DHTKD1: variants seen among roughly 807,000 people sequenced by gnomAD.
The protein encoded by DHTKD1 is 2-oxoadipate dehydrogenase complex component E1.
A neutral mutation model predicts 101.8 loss-of-function variants in DHTKD1; 78 were observed. That is an observed-to-expected ratio of 0.77 (90% confidence interval 0.64 to 0.93). DHTKD1 has a LOEUF of 0.93. DHTKD1 is among the 40% of genes least tolerant of loss of function. The pLI is 0.00. For missense variants in DHTKD1, 1,223 were observed against 1,161.7 expected (o/e 1.05, Z -0.77); for synonymous variants, 462 against 450.3 (o/e 1.03, Z -0.33).
At chr10:12,096,851 A>T (rs1833078417) in intron 7 of DHTKD1, among the ~76,000 whole-genome samples, 1 of 152,182 alleles carries the variant, frequency 6.6e-6, no homozygotes, top group Admixed American at 6.6e-5. Flanking sequence ...GACTGGAGCA[A>T]CTTTGGGTTC....
intron 15 of DHTKD1, among the ~76,000 whole-genome samples, chr10:12,119,144 A>T (rs1232695563): frequency 6.6e-6 from 1 of 151,060 alleles, no homozygotes; most frequent in Non-Finnish European, 1.5e-5. Context: ...GTCTCTACTA[A>T]AAGTACAAAA....
At chr10:12,112,758 C>A in intron 12 of DHTKD1, 142 bp from the exon 13 acceptor site, 1 of 775,272 alleles carries the variant, frequency 1.3e-6, no homozygotes, top group East Asian at 2.9e-5. Flanking sequence ...AATTCACCTG[C>A]TGATATTTTT....
Position 12,094,140 on chromosome 10 carries a change from A to G in DHTKD1, c.1227A>G (p.Thr409=), listed in dbSNP as rs755722138. ...GCCCAGAGGAAGTGGTCCGTGCCAC[A>G]CGACTGGCTTTTGAATACCAACGCC... The part of the protein sequence containing the change: ...GDSPEEVVRA[T]RLAFEYQRQF... The change falls in exon 7 of 17, where the codon ACA becomes ACG. Residue 409 remains threonine (T), a synonymous_variant. Transcript: ENST00000263035. 3 of 1,614,146 alleles carry G rather than the reference A, an allele frequency of 1.9e-6. No homozygotes were observed. Among genetic ancestry groups the G allele is most frequent in the East Asian group, 2.2e-5 (1 of 44,878 alleles).
chr10:12,097,988 C>A lies in DHTKD1; in HGVS notation c.1663C>A (p.His555Asn). 1 of 1,603,314 alleles carries A rather than the reference C, an allele frequency of 6.2e-7. No individual in the cohort carries two copies. Among genetic ancestry groups the A allele is most frequent in the Non-Finnish European group, 8.5e-7 (1 of 1,172,154 alleles). Residue 555 changes from histidine to asparagine, a missense_variant, in exon 8 of 17, where the codon CAT becomes AAT. Physicochemically the swap from His to Asn is moderately conservative, Grantham distance 68 (BLOSUM62 1). Coordinates refer to ENST00000263035, the MANE Select transcript of DHTKD1 (RefSeq NM_018706.7). ...GATGCACAGTCACCTGCTGAAGACA[C>A]ATGTTCAGGTGGGCAGCCTCCAAAT... ...LQMHSHLLKT[H>N]VQSRMEKMMD...
chr10:12,106,971 C>G (rs994383201), intron 11 of DHTKD1, among the ~76,000 whole-genome samples: 7 of 151,860 alleles, frequency 4.6e-5, no homozygotes, highest in African/African-American at 1.7e-4. Context: ...TGAGAGCTGC[C>G]CATTCTTTTT....
In DHTKD1 at chr10:12,107,875, T is replaced by G; in HGVS notation, c.2048-34T>G. ...GTCAGGCCACTTTGTCCCCGCTTCGTAGAGCTCTTACTCCCCACGTGGTAC... is the reference window on the plus strand; with the variant it reads ...GTCAGGCCACTTTGTCCCCGCTTCGGAGAGCTCTTACTCCCCACGTGGTAC... On this transcript the variant is annotated intron_variant, in intron 11 of 16. Coordinates refer to ENST00000263035, the MANE Select transcript of DHTKD1 (RefSeq NM_018706.7). The surrounding 1 kb of genome is among the most constrained non-coding windows in gnomAD (Gnocchi z 4.1). 1.4e-6 allele frequency: 2 copies of G among 1,453,526 alleles called. No individual in the cohort carries two copies. Among genetic ancestry groups the G allele is most frequent in the South Asian group, 1.1e-5 (1 of 87,062 alleles). The allele number at this position is 1,453,526 out of a possible 1,614,324, so 90.0% of individuals were successfully genotyped here.
At position 12,118,762 on chromosome 10, in the gene DHTKD1, G is replaced by C; in HGVS notation, c.2416G>C (p.Val806Leu). The C allele has an allele frequency of 3.8e-6, 6 of 1,579,442 alleles. No individual in the cohort carries two copies. The highest frequency in any genetic ancestry group is 1.4e-5 in the African/African-American group (1 of 73,234). Residue 806 changes from valine to leucine, a missense_variant, in exon 15 of 17, where the codon GTG (valine) becomes CTG (leucine). Physicochemically the swap from Val to Leu is conservative, Grantham distance 32. Transcript: ENST00000263035. ...TCTGTCCAACAGGGTTAAGACCCTCGTGTTCTGCTCCGGCAAACATTTCTA... is the reference window on the plus strand; with the variant it reads ...TCTGTCCAACAGGGTTAAGACCCTCCTGTTCTGCTCCGGCAAACATTTCTA... ...SVDPKKVKTL[V>L]FCSGKHFYSL...
intron 1 of DHTKD1, among the ~76,000 whole-genome samples, chr10:12,079,092 G>A (rs1312703195): frequency 6.6e-6 from 1 of 152,056 alleles, no homozygotes; most frequent in African/African-American, 2.4e-5. Context: ...AATATTTTAT[G>A]TATTTTATTT....
intron 16 of DHTKD1, among the ~76,000 whole-genome samples, chr10:12,120,510 G>T (rs964644571): frequency 3.3e-5 from 5 of 151,702 alleles, no homozygotes; most frequent in Non-Finnish European, 5.9e-5. Context: ...AATTTTTTTT[G>T]TATTTTTAGT....
At chr10:12,078,781 G>A (rs969945256) in intron 1 of DHTKD1, among the ~76,000 whole-genome samples, 3 of 152,090 alleles carry the variant, frequency 2.0e-5, no homozygotes, top group African/African-American at 7.2e-5. Context: ...CCAGGTTCCA[G>A]CGATTCTCCT....
intron 2 of DHTKD1, 141 bp downstream of exon 2, chr10:12,081,768 G>C (rs1043449463): frequency 5.9e-6 from 5 of 844,522 alleles, no homozygotes. Context: ...GTTGAAGTAC[G>C]GTCCGGGAGG....
intron 15 of DHTKD1, among the ~76,000 whole-genome samples, chr10:12,119,615 CAAAAAA>C (rs71382684): frequency 2.2e-5 from 2 of 89,372 alleles, no homozygotes; most frequent in African/African-American, 4.3e-5. Flanking sequence ...GACTCCGTCT[CAAAAAA>C]AAAAAAAAAA....
intron 12 of DHTKD1, among the ~76,000 whole-genome samples, chr10:12,108,761 AC>A: frequency 6.6e-6 from 1 of 152,114 alleles, no homozygotes; most frequent in Non-Finnish European, 1.5e-5. Context: ...CCTAGAATTC[AC>A]CATTATTTTT....
chr10:12,072,283 A>G (rs891785581), intron 1 of DHTKD1, among the ~76,000 whole-genome samples: 7 of 152,294 alleles, frequency 4.6e-5, no homozygotes, highest in Non-Finnish European at 7.3e-5. Flanking sequence ...CCTGGCTGAC[A>G]TGGTGAAACC....
rs140718225 is a variant in DHTKD1 at position 12,081,399 on chromosome 10, T to C, written c.155-73T>C. ...GGTGTCTAGGGCTGTAAGAGCTTCT[T>C]TGAAAATCTGATTTTTGTGATTTGT... On this transcript the variant is annotated intron_variant, in intron 1 of 16. Transcript: ENST00000263035. 5.8e-4 allele frequency: 777 copies of C among 1,331,824 alleles called. 4 individuals are homozygous for C. The African/African-American group carries it at 0.01, about 17-fold the overall frequency. 82.5% of individuals were successfully genotyped at this position (1,331,824 alleles called of 1,614,324 possible). A position where few individuals can be genotyped will look rare whatever the true frequency, so the allele number is the denominator to read the frequency against.
chr10:12,082,879 G>A (rs1832843221), intron 2 of DHTKD1, among the ~76,000 whole-genome samples: 2 of 152,204 alleles, frequency 1.3e-5, no homozygotes, highest in Non-Finnish European at 2.9e-5. Flanking sequence ...GCTCATGCTG[G>A]TAATCCCAGC....
rs555904251 is a variant in DHTKD1 at position 12,071,764 on chromosome 10, G to A, written c.154+2577G>A. Among the ~76,000 whole-genome samples, 3 of 152,250 alleles carry A rather than the reference G, an allele frequency of 2.0e-5. No homozygotes were observed. In the South Asian group the frequency reaches 6.2e-4, roughly 32 times the overall value. On this transcript the variant is annotated intron_variant, in intron 1 of 16. Transcript: ENST00000263035. Reference sequence around the variant, plus strand: ...GCTGGTCTCGAACTCCTGTCCTCAGGTGAAATGCTTGCCTCGGCCCCCTAA... The same window carrying A: ...GCTGGTCTCGAACTCCTGTCCTCAGATGAAATGCTTGCCTCGGCCCCCTAA...
intron 6 of DHTKD1, among the ~76,000 whole-genome samples, chr10:12,092,696 G>A (rs556992450): frequency 2.0e-4 from 31 of 151,898 alleles, no homozygotes; most frequent in Non-Finnish European, 4.1e-4. Flanking sequence ...CCAGCTACTC[G>A]GGAGGCTGAG....
chr10:12,114,537 C>T (rs929145209), intron 13 of DHTKD1, among the ~76,000 whole-genome samples: 1 of 152,124 alleles, frequency 6.6e-6, no homozygotes, highest in African/African-American at 2.4e-5. Context: ...CTCATGTGAT[C>T]CACCTGCCTT....
Sources: allele counts gnomAD v4.1 joint callset (sites outside exome capture counted in the v4.1 genomes callset), GRCh38; gene constraint gnomAD v4.1.1; non-coding constraint Gnocchi (gnomAD v3.1); transcripts MANE v1.5; gene names NCBI Gene and HGNC (gene_info 2026-07-23, HGNC 2026-07-21).